The following RGS3 variants were observed in gnomAD, a reference collection of about 807,000 sequenced individuals.
The protein encoded by RGS3 is regulator of G-protein signalling 3.
Under a neutral mutation model 132.6 loss-of-function variants are expected in RGS3, and 80 were observed. The observed-to-expected ratio is 0.60, with a 90% CI of 0.50 to 0.73. RGS3 has a LOEUF of 0.73. Among genes scored for constraint, RGS3 ranks in the 30% least tolerant of loss-of-function variants. RGS3 has a pLI of 0.00. For synonymous variants in RGS3, 598 were observed against 620.6 expected (o/e 0.96, Z 0.54); for missense variants, 1,382 against 1,530.8 (o/e 0.90, Z 1.62).
intron 4 of RGS3, among the ~76,000 whole-genome samples, chr9:113,482,774 TAA>T: frequency 6.6e-6 from 1 of 152,312 alleles, no homozygotes; most frequent in South Asian, 2.1e-4. Flanking sequence ...CTTCCAGCTG[TAA>T]GATTCAGGGA....
At chr9:113,449,522 C>G (rs373111277) in intron 1 of RGS3, among the ~76,000 whole-genome samples, 1 of 152,248 alleles carries the variant, frequency 6.6e-6, no homozygotes, top group Admixed American at 6.5e-5. Context: ...TGCACTGCAA[C>G]TAATGGGAGC....
At chr9:113,472,875 C>CA (rs955334152) in intron 3 of RGS3, among the ~76,000 whole-genome samples, 8 of 151,928 alleles carry the variant, frequency 5.3e-5, no homozygotes, top group East Asian at 3.9e-4. Flanking sequence ...TCTGTCTCTA[C>CA]AAAAAATACA....
upstream of RGS3, among the ~76,000 whole-genome samples, chr9:113,457,875 A>G (rs1282270652): frequency 2.0e-5 from 3 of 152,274 alleles, no homozygotes; most frequent in South Asian, 2.1e-4. Flanking sequence ...TGCCAATGCA[A>G]TTTTGGCTAT....
chr9:113,463,943 G>C lies in RGS3; in HGVS notation c.415+1742G>C. ...CACCCTGCTCCCAGCGCCCAGAAAC[G>C]CAGCCCCTCGTGGTGACAGGGGAGG... On this transcript the variant is annotated intron_variant, in intron 3 of 24. Coordinates refer to ENST00000350696, the Ensembl canonical transcript of RGS3. The surrounding 1 kb of genome is among the most constrained non-coding windows in gnomAD (Gnocchi z 4.6). 2 of 1,569,210 alleles carry C rather than the reference G, an allele frequency of 1.3e-6. No homozygotes were observed. Among genetic ancestry groups the C allele is most frequent in the Non-Finnish European group, 1.7e-6 (2 of 1,145,342 alleles).
At position 113,463,968 on chromosome 9, in the gene RGS3, GC is replaced by G; in HGVS notation, c.415+1768del. 1 of 1,426,870 alleles carries G rather than the reference GC, an allele frequency of 7.0e-7. No homozygotes were observed. The highest frequency in any genetic ancestry group is 9.7e-7 in the Non-Finnish European group (1 of 1,035,136). 88.4% of individuals were successfully genotyped at this position (1,426,870 alleles called of 1,614,324 possible). On this transcript the variant is annotated intron_variant, in intron 3 of 24. Coordinates refer to ENST00000350696, the Ensembl canonical transcript of RGS3. The surrounding 1 kb of genome is among the most constrained non-coding windows in gnomAD (Gnocchi z 4.6). ...GCAGCCCCTCGTGGTGACAGGGGAGGCTGGGAGCAGGTGCTCTTTCTATCTA... is the reference window on the plus strand; with the variant it reads ...GCAGCCCCTCGTGGTGACAGGGGAGGTGGGAGCAGGTGCTCTTTCTATCTA...
chr9:113,496,606 A>G (rs962310597), intron 8 of RGS3, among the ~76,000 whole-genome samples: 14 of 151,150 alleles, frequency 9.3e-5, no homozygotes, highest in African/African-American at 2.9e-4. Context: ...GCTGGAATGC[A>G]GTGTTGTGAT....
At chr9:113,595,491 C>T (rs1835719624) in intron 23 of RGS3, 108 bp from the exon 22 acceptor site, 1 of 1,264,258 alleles carries the variant, frequency 7.9e-7, no homozygotes, top group South Asian at 1.4e-5. Context: ...GCATTGTACT[C>T]AGCTCCCAGC....
intron 17 of RGS3, among the ~76,000 whole-genome samples, chr9:113,524,619 G>A (rs1214775180): frequency 1.3e-5 from 2 of 152,212 alleles, no homozygotes; most frequent in African/African-American, 2.4e-5. Context: ...GGATCTGGGC[G>A]TGGTACTGCT....
intron 3 of RGS3, among the ~76,000 whole-genome samples, chr9:113,467,742 G>T (rs539422576): frequency 6.6e-6 from 1 of 151,944 alleles, no homozygotes; most frequent in East Asian, 1.9e-4. Flanking sequence ...GTCTTGTTTT[G>T]TTGCCCAGGC....
chr9:113,595,592 C>G lies in RGS3; in HGVS notation c.3245-7C>G, dbSNP rs1564628601. The G allele has an allele frequency of 6.2e-7, 1 of 1,613,468 alleles. No homozygotes were observed. Among genetic ancestry groups the G allele is most frequent in the South Asian group, 1.1e-5 (1 of 91,070 alleles). ...GCCTCTTACCCCAGGATCCGTTCTC[C>G]TCACAGACGGGTTAGCAGTGTTCCA... On this transcript the variant is annotated splice_region_variant and splice_polypyrimidine_tract_variant and intron_variant, in intron 23 of 24. Coordinates refer to ENST00000350696, the Ensembl canonical transcript of RGS3.
rs1458105040 is a variant in RGS3, at chr9:113,565,494, AT to A, written c.2038-17953del. 2.6e-6 allele frequency: 2 copies of A among 756,696 alleles called. No individual in the cohort carries two copies. Among genetic ancestry groups the A allele is most frequent in the African/African-American group, 3.7e-5 (2 of 54,596 alleles). The allele number at this position is 756,696 out of a possible 1,614,324, so 46.9% of individuals were successfully genotyped here. On this transcript the variant is annotated intron_variant, in intron 19 of 24. Coordinates refer to ENST00000350696, the Ensembl canonical transcript of RGS3. This position sits in a 1 kb window ranked among gnomAD's most constrained non-coding sequence, Gnocchi z 5.7. ...TAGATGTGGGAGGTGGAACCTGGTC[AT>A]TTGGTTCTGCTTTTCCTAGCAGGTA...
At chr9:113,487,353 C>T (rs1451861858) in intron 7 of RGS3, among the ~76,000 whole-genome samples, 2 of 151,378 alleles carry the variant, frequency 1.3e-5, no homozygotes, top group African/African-American at 4.9e-5. Context: ...CCTCATGATC[C>T]ACCCGCCTCG....
chr9:113,580,297 G>A (rs1242111506), intron 19 of RGS3, among the ~76,000 whole-genome samples: 1 of 152,250 alleles, frequency 6.6e-6, no homozygotes. Context: ...CAAGGAAACA[G>A]GGAGAGACCC....
intron 17 of RGS3, among the ~76,000 whole-genome samples, chr9:113,528,383 G>A (rs1214717825): frequency 2.0e-5 from 3 of 152,172 alleles, no homozygotes; most frequent in African/African-American, 7.2e-5. Context: ...CTGCTTCTCT[G>A]CACTTGCTCT....
At chr9:113,559,755 C>T (rs944948578) in intron 19 of RGS3, among the ~76,000 whole-genome samples, 2 of 152,132 alleles carry the variant, frequency 1.3e-5, no homozygotes, top group African/African-American at 4.8e-5. Flanking sequence ...ATGAGAATAG[C>T]CTATTCATCA....
chr9:113,510,937 T>C (rs984780551), intron 14 of RGS3, among the ~76,000 whole-genome samples: 8 of 152,190 alleles, frequency 5.3e-5, no homozygotes, highest in Non-Finnish European at 1.0e-4. Context: ...CACTTGGGAT[T>C]GTCCAGAGGT....
chr9:113,567,000 A>C (rs1039855835), intron 19 of RGS3, among the ~76,000 whole-genome samples: 8 of 152,354 alleles, frequency 5.3e-5, no homozygotes, highest in Non-Finnish European at 1.0e-4. Context: ...CGAGTTCCAC[A>C]ACAGGGCTCA....
rs1002828126 is a variant in RGS3, at chr9:113,507,601, A to G, written c.1400A>G (p.Asn467Ser). Residue 467 changes from asparagine (N) to serine (S), a missense_variant, in exon 13 of 25, where the codon AAC becomes AGC. Coordinates refer to ENST00000350696, the Ensembl canonical transcript of RGS3. The surrounding 1 kb of genome is among the most constrained non-coding windows in gnomAD (Gnocchi z 5.0). ...CGTGCCACTGCCCCCACCGACCCCA[A>G]CTACATCATCCTGGCCCCGCTGAAT... 10 of 1,503,080 alleles carry G rather than the reference A, an allele frequency of 6.7e-6. No homozygotes were observed. The highest frequency in any genetic ancestry group is 8.9e-6 in the Non-Finnish European group (10 of 1,122,754). 93.1% of individuals were successfully genotyped at this position (1,503,080 alleles called of 1,614,324 possible). A position where few individuals can be genotyped will look rare whatever the true frequency, so the allele number is the denominator to read the frequency against.
intron 19 of RGS3, among the ~76,000 whole-genome samples, chr9:113,573,744 C>G (rs1834385659): frequency 6.6e-6 from 1 of 152,168 alleles, no homozygotes; most frequent in African/African-American, 2.4e-5. Context: ...GTGTCAGTCT[C>G]CTGCCCCTCA....
Sources: gnomAD v4.1 joint callset for allele counts (sites outside exome capture counted in the v4.1 genomes callset) on GRCh38, gnomAD v4.1.1 for gene constraint, Gnocchi (gnomAD v3.1) non-coding constraint, MANE v1.5 for transcripts, NCBI Gene and HGNC (gene_info 2026-07-23, HGNC 2026-07-21) for gene names.